The following IQGAP2 variants were observed in gnomAD, a reference collection of about 807,000 sequenced individuals.
The protein encoded by IQGAP2 is IQ motif containing GTPase activating protein 2.
IQGAP2 carries 173 observed loss-of-function variants against 201.3 expected under a neutral mutation model. The observed-to-expected ratio is 0.86, with a 90% CI of 0.76 to 0.98. IQGAP2 has a LOEUF of 0.98. Among genes scored for constraint, IQGAP2 ranks in the 50% least tolerant of loss-of-function variants. IQGAP2 has a pLI of 0.00. For synonymous variants in IQGAP2, 675 were observed against 673.9 expected (o/e 1.00, Z -0.03); for missense variants, 1,687 against 1,864.8 (o/e 0.90, Z 1.76).
At chr5:76,405,366 T>TG (rs776390136) in intron 1 of IQGAP2, among the ~76,000 whole-genome samples, 2 of 152,162 alleles carry the variant, frequency 1.3e-5, no homozygotes, top group Non-Finnish European at 2.9e-5. Flanking sequence ...TCTTCACCAA[T>TG]GTGGTGTAAG....
At chr5:76,475,772 G>A (rs929367611) in intron 2 of IQGAP2, among the ~76,000 whole-genome samples, 47 of 152,108 alleles carry the variant, frequency 3.1e-4, no homozygotes, top group African/African-American at 1.1e-3. Context: ...GTCTACTTGC[G>A]TACATGTTAA....
chr5:76,442,173 G>T (rs1339202279), intron 1 of IQGAP2, among the ~76,000 whole-genome samples: 1 of 152,170 alleles, frequency 6.6e-6, no homozygotes, highest in African/African-American at 2.4e-5. Flanking sequence ...AGCTATAAAA[G>T]GGTATCGGGC....
chr5:76,669,632 A>G (rs1047149583), intron 23 of IQGAP2, among the ~76,000 whole-genome samples: 10 of 152,176 alleles, frequency 6.6e-5, no homozygotes, highest in African/African-American at 2.4e-4. Flanking sequence ...AATTTTTATA[A>G]GAAGAGATAG....
intron 15 of IQGAP2, among the ~76,000 whole-genome samples, chr5:76,633,085 T>C (rs532928406): frequency 3.3e-5 from 5 of 152,334 alleles, no homozygotes; most frequent in African/African-American, 1.2e-4. Context: ...TGAGCTATCC[T>C]AATTTCAAAT....
chr5:76,633,277 C>T (rs1750853789), intron 15 of IQGAP2, among the ~76,000 whole-genome samples: 1 of 152,112 alleles, frequency 6.6e-6, no homozygotes. Context: ...CAGCTGAGAT[C>T]ATATTGAATC....
intron 8 of IQGAP2, among the ~76,000 whole-genome samples, chr5:76,591,220 C>T (rs554756614): frequency 1.3e-5 from 2 of 152,330 alleles, no homozygotes; most frequent in African/African-American, 2.4e-5. Context: ...CCTTGTTAGA[C>T]ATCAACAGAC....
chr5:76,681,068 C>A, intron 28 of IQGAP2, among the ~76,000 whole-genome samples: 1 of 114,006 alleles, frequency 8.8e-6, no homozygotes, highest in Admixed American at 1.3e-4. Flanking sequence ...CCAGCCTGGG[C>A]AGCAGAGCGA....
chr5:76,438,378 G>GC (rs1752837022), intron 1 of IQGAP2, among the ~76,000 whole-genome samples: 1 of 152,064 alleles, frequency 6.6e-6, no homozygotes, highest in Admixed American at 6.6e-5. Context: ...GTGCACAGAG[G>GC]AGTTCATAGT....
intron 5 of IQGAP2, among the ~76,000 whole-genome samples, chr5:76,579,096 T>C (rs1745663037): frequency 6.6e-6 from 1 of 152,138 alleles, no homozygotes; most frequent in Non-Finnish European, 1.5e-5. Flanking sequence ...TTTTGAGTAC[T>C]TCAGATACCT....
chr5:76,460,084 T>C (rs113034122), intron 1 of IQGAP2, among the ~76,000 whole-genome samples: 2,985 of 152,298 alleles, frequency 0.02, 92 homozygotes, highest in African/African-American at 0.069. Context: ...GACATGAAGA[T>C]GATCAAAAGC....
At position 76,570,675 on chromosome 5, in the gene IQGAP2, G is replaced by A; in HGVS notation, c.381+18G>A. 1 of 1,576,936 alleles carries A rather than the reference G, an allele frequency of 6.3e-7. No homozygotes were observed. The highest frequency in any genetic ancestry group is 1.1e-5 in the South Asian group (1 of 90,168). Reference sequence around the variant, plus strand: ...TACCCAAGGTAAGCCTTCACGCACTGGAATCTGAACTAGAAAGGCAAAGGG... The same window carrying A: ...TACCCAAGGTAAGCCTTCACGCACTAGAATCTGAACTAGAAAGGCAAAGGG... On this transcript the variant is annotated intron_variant, in intron 4 of 35. Coordinates refer to ENST00000274364, the MANE Select transcript of IQGAP2 (RefSeq NM_006633.5).
chr5:76,707,656 A>G lies in IQGAP2; in HGVS notation c.*343A>G, dbSNP rs1415557729. ...TGTAAACCTATTTTCCTATGAAAAAAATTTTAAATGTCCCACTTGAATAAC... is the reference window on the plus strand; with the variant it reads ...TGTAAACCTATTTTCCTATGAAAAAGATTTTAAATGTCCCACTTGAATAAC... On this transcript the variant is annotated 3_prime_UTR_variant, in exon 36 of 36. Coordinates refer to ENST00000274364, the MANE Select transcript of IQGAP2 (RefSeq NM_006633.5). 5.5e-6 allele frequency: 1 copy of G among 181,000 alleles called. No individual in the cohort carries two copies. Among genetic ancestry groups the G allele is most frequent in the East Asian group, 1.6e-4 (1 of 6,354 alleles). The allele number at this position is 181,000 out of a possible 1,614,324, so 11.2% of individuals were successfully genotyped here.
intron 1 of IQGAP2, among the ~76,000 whole-genome samples, chr5:76,454,964 G>C (rs553798455): frequency 2.1e-4 from 32 of 152,216 alleles, no homozygotes; most frequent in African/African-American, 7.7e-4. Flanking sequence ...GTTGTTTCCT[G>C]ACTTTTTAAT....
At chr5:76,631,254 G>A (rs1038852736) in intron 14 of IQGAP2, among the ~76,000 whole-genome samples, 4 of 152,148 alleles carry the variant, frequency 2.6e-5, no homozygotes, top group African/African-American at 9.7e-5. Context: ...AGAGTTTAAT[G>A]TGTTTTGTTA....
At position 76,583,562 on chromosome 5, in the gene IQGAP2, A is replaced by G. The variant is rs193233859; in HGVS notation, c.459-5344A>G. Among the ~76,000 whole-genome samples, 1,249 of 152,340 alleles carry G rather than the reference A, an allele frequency of 8.2e-3. 7 individuals are homozygous for G. The highest frequency in any genetic ancestry group is 0.014 in the Non-Finnish European group (955 of 68,026). ...TGCAAATGAGATCTTTACCTGATCAATATTAGCTTAAGAAAATATCAGACT... is the reference window on the plus strand; with the variant it reads ...TGCAAATGAGATCTTTACCTGATCAGTATTAGCTTAAGAAAATATCAGACT... On this transcript the variant is annotated intron_variant, in intron 5 of 35. Transcript: ENST00000274364.
At chr5:76,507,274 AT>A (rs1260211761) in intron 2 of IQGAP2, among the ~76,000 whole-genome samples, 2 of 152,286 alleles carry the variant, frequency 1.3e-5, no homozygotes, top group South Asian at 2.1e-4. Flanking sequence ...AGAAAAGATA[AT>A]TTTTTTCAAC....
At chr5:76,569,113 C>G (rs1744938552) in intron 3 of IQGAP2, among the ~76,000 whole-genome samples, 1 of 152,084 alleles carries the variant, frequency 6.6e-6, no homozygotes, top group Non-Finnish European at 1.5e-5. Context: ...CTATCTAGTT[C>G]ATTAGTAGTT....
At chr5:76,677,150 G>A in intron 27 of IQGAP2, 68 bp from the exon 28 acceptor site, 1 of 1,458,508 alleles carries the variant, frequency 6.9e-7, no homozygotes, top group South Asian at 1.3e-5. Context: ...AAATTTCCTA[G>A]CTATTTTGAT....
chr5:76,446,520 T>C (rs1320186808), intron 1 of IQGAP2, among the ~76,000 whole-genome samples: 1 of 152,118 alleles, frequency 6.6e-6, no homozygotes, highest in East Asian at 1.9e-4. Flanking sequence ...CAGATGCTGG[T>C]TAATCAATGT....
Sources: allele counts gnomAD v4.1 joint callset (sites outside exome capture counted in the v4.1 genomes callset), GRCh38; gene constraint gnomAD v4.1.1; transcripts MANE v1.5; gene names NCBI Gene and HGNC (gene_info 2026-07-23, HGNC 2026-07-21).